Variants in IQSEC1 observed in about 807,000 individuals in gnomAD.
IQSEC1 encodes the protein IQ motif and Sec7 domain ArfGEF 1.
In IQSEC1, 31 loss-of-function variants were observed where a neutral mutation model predicts 91.0. That is an observed-to-expected ratio of 0.34 (90% CI 0.26 to 0.46). IQSEC1 has a LOEUF of 0.46. Among genes scored for constraint, IQSEC1 ranks in the 20% least tolerant of loss-of-function variants. The pLI, the probability that IQSEC1 is intolerant of heterozygous loss-of-function variation, is 1.00. For missense variants in IQSEC1, 1,388 were observed against 1,575.6 expected, an observed-to-expected ratio of 0.88 and a Z score of 2.02; for synonymous variants, 699 against 662.6, an observed-to-expected ratio of 1.05 and a Z score of -0.84.
intron 1 of IQSEC1, among the ~76,000 whole-genome samples, chr3:13,249,220 G>T (rs1476499652): frequency 3.6e-5 from 5 of 139,522 alleles, no homozygotes; most frequent in Non-Finnish European, 7.5e-5. Flanking sequence ...CACCCAGGCT[G>T]GAGTGCAGTG....
chr3:13,198,473 T>C (rs1400756351), intron 1 of IQSEC1, among the ~76,000 whole-genome samples: 4 of 150,442 alleles, frequency 2.7e-5, no homozygotes, highest in African/African-American at 9.8e-5. Context: ...CCACCCAGAG[T>C]GAGATGCAGA....
chr3:13,060,341 G>A (rs360884), intron 1 of IQSEC1, among the ~76,000 whole-genome samples: 56,270 of 152,080 alleles, frequency 0.37, 11,320 homozygotes, highest in East Asian at 0.66. Flanking sequence ...TAGGAAGGCT[G>A]AAGAGGGCAG....
At chr3:13,245,350 G>A (rs529422211) in intron 1 of IQSEC1, among the ~76,000 whole-genome samples, 5 of 152,294 alleles carry the variant, frequency 3.3e-5, no homozygotes, top group Admixed American at 6.5e-5. Flanking sequence ...CTCAGAACAC[G>A]CAGAGCATTA....
rs1042997329 is a variant in IQSEC1 at position 12,979,501 on chromosome 3, C to T, written c.24-37636G>A. ...AAAAGGCGGACACATGCACGCAGCA[C>T]GCGCACACACACACTCTAAGATGTC... On this transcript the variant is annotated intron_variant, in intron 1 of 13. Coordinates refer to ENST00000613206, the MANE Select transcript of IQSEC1 (RefSeq NM_001134382.3). The surrounding 1 kb of genome is among the most constrained non-coding windows in gnomAD (Gnocchi z 4.3). Among the ~76,000 whole-genome samples, 1 of 152,210 alleles carries T rather than the reference C, an allele frequency of 6.6e-6. No individual in the cohort carries two copies. Among genetic ancestry groups the T allele is most frequent in the East Asian group, 1.9e-4 (1 of 5,206 alleles).
At position 12,942,530 on chromosome 3, in the gene IQSEC1, G is replaced by A. The variant is rs147617155; in HGVS notation, c.24-665C>T. Among the ~76,000 whole-genome samples the A allele has an allele frequency of 6.4e-3, 980 of 152,128 alleles. 15 individuals carry two copies. The highest frequency in any genetic ancestry group is 0.022 in the African/African-American group (920 of 41,484). On this transcript the variant is annotated intron_variant, in intron 1 of 13. Coordinates refer to ENST00000613206, the MANE Select transcript of IQSEC1 (RefSeq NM_001134382.3). ...AGGCAGGAGAATAGCATGAACCCGG[G>A]AAGCAGAGCTTGCAGTGAGCCAAGA...
At chr3:13,034,149 A>T (rs1703948603) in intron 1 of IQSEC1, among the ~76,000 whole-genome samples, 1 of 152,158 alleles carries the variant, frequency 6.6e-6, no homozygotes, top group South Asian at 2.1e-4. Context: ...TCAGCCTGTG[A>T]CAGGCCCTGC....
rs1696731737 is a variant in IQSEC1, at chr3:12,922,569, C to G, written c.1731-327G>C. On this transcript the variant is annotated intron_variant, in intron 4 of 13. Coordinates refer to ENST00000613206, the MANE Select transcript of IQSEC1 (RefSeq NM_001134382.3). The surrounding 1 kb of genome is among the most constrained non-coding windows in gnomAD (Gnocchi z 5.1). ...CAAGCATTTTTAAGCACAGCCCTCA[C>G]CAGGCACACAGTGGACGCCACTGTG... Among the ~76,000 whole-genome samples, 9 of 152,168 alleles carry G rather than the reference C, an allele frequency of 5.9e-5. No homozygotes were observed. The South Asian group carries it at 1.9e-3, about 32-fold the overall frequency.
intron 1 of IQSEC1, among the ~76,000 whole-genome samples, chr3:13,263,364 T>C (rs912431562): frequency 3.5e-5 from 5 of 143,914 alleles, no homozygotes; most frequent in African/African-American, 1.3e-4. Context: ...TTTATCACTA[T>C]TTTAAAAGAT....
intron 2 of IQSEC1, among the ~76,000 whole-genome samples, chr3:13,094,763 G>T (rs1230341590): frequency 6.6e-6 from 1 of 152,170 alleles, no homozygotes; most frequent in Non-Finnish European, 1.5e-5. Flanking sequence ...CGAGCTCCGG[G>T]ATCTTCTCCC....
chr3:13,265,188 G>C (rs907695264), intron 1 of IQSEC1, among the ~76,000 whole-genome samples: 2 of 152,140 alleles, frequency 1.3e-5, no homozygotes, highest in African/African-American at 2.4e-5. Context: ...TGGCCCAAAG[G>C]CTCTTTCCCT....
chr3:13,052,400 A>G (rs1576217483), intron 1 of IQSEC1, among the ~76,000 whole-genome samples: 2 of 152,354 alleles, frequency 1.3e-5, no homozygotes, highest in South Asian at 4.1e-4. Flanking sequence ...TCTGCTGAGC[A>G]GTGCTCCCCG....
intron 3 of IQSEC1, among the ~76,000 whole-genome samples, chr3:12,934,412 A>G (rs955625636): frequency 1.3e-5 from 2 of 152,186 alleles, no homozygotes; most frequent in Non-Finnish European, 2.9e-5. Context: ...CCCCCAGTCT[A>G]GAAGAAGAGA....
At chr3:13,036,811 A>G (rs1559734050) in intron 1 of IQSEC1, among the ~76,000 whole-genome samples, 1 of 152,180 alleles carries the variant, frequency 6.6e-6, no homozygotes. Context: ...TGTTCTTTCT[A>G]ACAGAAGCAA....
chr3:13,146,731 T>A (rs1452124141), intron 2 of IQSEC1, among the ~76,000 whole-genome samples: 1 of 152,126 alleles, frequency 6.6e-6, no homozygotes, highest in Non-Finnish European at 1.5e-5. Flanking sequence ...TCTCAGCTAC[T>A]CGAGAGGCTG....
At chr3:12,974,570 G>A (rs1159113524) in intron 1 of IQSEC1, among the ~76,000 whole-genome samples, 1 of 152,236 alleles carries the variant, frequency 6.6e-6, no homozygotes, top group African/African-American at 2.4e-5. Context: ...TATTCAAGTG[G>A]AAGGGAAATG....
At chr3:13,037,995 A>C (rs193198661) in intron 1 of IQSEC1, among the ~76,000 whole-genome samples, 2 of 152,152 alleles carry the variant, frequency 1.3e-5, no homozygotes, top group East Asian at 3.9e-4. Context: ...AAGATGGTGG[A>C]TTTTAATTCT....
At chr3:13,140,299 C>T (rs948065839) in intron 2 of IQSEC1, among the ~76,000 whole-genome samples, 3 of 152,236 alleles carry the variant, frequency 2.0e-5, no homozygotes, top group African/African-American at 4.8e-5. Flanking sequence ...GGCAGATTCA[C>T]GCTGTCACCT....
chr3:13,213,381 C>G (rs1238850236), intron 1 of IQSEC1, among the ~76,000 whole-genome samples: 1 of 152,164 alleles, frequency 6.6e-6, no homozygotes, highest in Non-Finnish European at 1.5e-5. Context: ...TCTAGATGTC[C>G]TTCCTGTTTC....
chr3:13,246,774 C>T (rs573872511), intron 1 of IQSEC1, among the ~76,000 whole-genome samples: 3 of 152,114 alleles, frequency 2.0e-5, no homozygotes, highest in Non-Finnish European at 4.4e-5. Context: ...GTCCTATCCT[C>T]GCAGAATACT....
Sources: gnomAD v4.1 joint callset for allele counts (sites outside exome capture counted in the v4.1 genomes callset) on GRCh38, gnomAD v4.1.1 for gene constraint, Gnocchi (gnomAD v3.1) non-coding constraint, MANE v1.5 for transcripts, NCBI Gene and HGNC (gene_info 2026-07-23, HGNC 2026-07-21) for gene names.